Variants in HDAC8 observed in about 807,000 individuals in gnomAD.
HDAC8 encodes histone deacetylase-like 1.
HDAC8 carries 1 observed loss-of-function variant against 32.2 expected under a neutral mutation model. The observed-to-expected ratio is 0.03, with a 90% CI of 0.01 to 0.15. The LOEUF (loss-of-function observed/expected upper bound fraction) is 0.15, where lower values mean the gene tolerates loss of function less well. Among genes scored for constraint, HDAC8 ranks in the 10% least tolerant of loss-of-function variants. The pLI is 1.00. For missense variants in HDAC8, 117 were observed against 300.0 expected, an observed-to-expected ratio of 0.39 and a Z score of 4.51; for synonymous variants, 108 against 113.9, an observed-to-expected ratio of 0.95 and a Z score of 0.33.
intron 10 of HDAC8, among the ~76,000 whole-genome samples, chrX:72,338,107 A>G (rs1555943291): frequency 9.0e-6 from 1 of 111,328 alleles, no homozygotes; most frequent in Admixed American, 9.6e-5. Context: ...TCTTCAATCC[A>G]CTTAGCGCAC....
chrX:72,351,510 T>C (rs1172227226), intron 10 of HDAC8, among the ~76,000 whole-genome samples: 1 of 112,474 alleles, frequency 8.9e-6, no homozygotes, highest in East Asian at 2.8e-4. Context: ...GCTGAACCCT[T>C]TGTCCTTCTG....
chrX:72,406,186 AT>A (rs2046033745), intron 9 of HDAC8, among the ~76,000 whole-genome samples: 1 of 111,257 alleles, frequency 9.0e-6, no homozygotes, highest in African/African-American at 3.3e-5. Flanking sequence ...TTTCTATTTG[AT>A]TTTTCTTGGT....
At chrX:72,534,315 A>ATT (rs1389411819) in intron 4 of HDAC8, among the ~76,000 whole-genome samples, 147 of 94,009 alleles carry the variant, frequency 1.6e-3, no homozygotes, top group African/African-American at 5.7e-3. Flanking sequence ...ATATATATAT[A>ATT]TTTTTTTTTT....
rs1189493594 is a variant in HDAC8, at chrX:72,349,149, A to G, written c.1111+2584T>C. Among the ~76,000 whole-genome samples the G allele has an allele frequency of 5.3e-5, 6 of 112,429 alleles. No individual in the cohort carries two copies. In the Admixed American group the frequency reaches 5.6e-4, roughly 11 times the overall value. On this transcript the variant is annotated intron_variant, in intron 10 of 10. Coordinates refer to ENST00000373573, the MANE Select transcript of HDAC8 (RefSeq NM_018486.3). ...GGGTCCAGCTCTATGCCTTGTGGCCACATAGACCCTGTCTATGCCCTTTGC... is the reference window on the plus strand; with the variant it reads ...GGGTCCAGCTCTATGCCTTGTGGCCGCATAGACCCTGTCTATGCCCTTTGC...
intron 7 of HDAC8, among the ~76,000 whole-genome samples, chrX:72,477,357 C>A (rs2048366547): frequency 8.9e-6 from 1 of 112,314 alleles, no homozygotes; most frequent in Admixed American, 9.4e-5. Flanking sequence ...CTCTGTTTCT[C>A]ATTTCCTAAT....
At chrX:72,568,132 G>A (rs1345495067) in intron 3 of HDAC8, 102 bp from the exon 4 acceptor site, 3 of 635,000 alleles carry the variant, frequency 4.7e-6, no homozygotes, top group Admixed American at 3.1e-5. Flanking sequence ...AAGCCACTGT[G>A]CTAATATCAG....
Position 72,400,590 on chromosome X carries a change from G to T in HDAC8, c.1006-48752C>A, listed in dbSNP as rs895564072. Among the ~76,000 whole-genome samples the T allele has an allele frequency of 2.8e-4, 31 of 111,885 alleles. 1 individual carries two copies. The highest frequency in any genetic ancestry group is 9.1e-4 in the African/African-American group (28 of 30,827). ...CACAGTCTACACTGATATTATCCTAGTTGAAGCCACTACCATCTTTTAAAA... is the reference window on the plus strand; with the variant it reads ...CACAGTCTACACTGATATTATCCTATTTGAAGCCACTACCATCTTTTAAAA... On this transcript the variant is annotated intron_variant, in intron 9 of 10. Coordinates refer to ENST00000373573, the MANE Select transcript of HDAC8 (RefSeq NM_018486.3).
At chrX:72,435,845 A>G (rs2046934597) in intron 9 of HDAC8, among the ~76,000 whole-genome samples, 1 of 111,497 alleles carries the variant, frequency 9.0e-6, no homozygotes. Flanking sequence ...GCACATGCCT[A>G]TAATCCCAGC....
At chrX:72,494,742 G>A (rs782248334) in intron 5 of HDAC8, among the ~76,000 whole-genome samples, 12 of 111,918 alleles carry the variant, frequency 1.1e-4, no homozygotes, top group Non-Finnish European at 9.4e-5. Flanking sequence ...CAACCTATTG[G>A]TGAAAAATTC....
At chrX:72,497,644 T>C (rs1388479733) in intron 4 of HDAC8, among the ~76,000 whole-genome samples, 12 of 111,752 alleles carry the variant, frequency 1.1e-4, no homozygotes, top group African/African-American at 3.9e-4. Flanking sequence ...TGAGCTAACA[T>C]TACTTCTCCT....
chrX:72,447,588 G>A (rs1168687437), intron 9 of HDAC8, among the ~76,000 whole-genome samples: 2 of 111,546 alleles, frequency 1.8e-5, no homozygotes, highest in Non-Finnish European at 3.8e-5. Flanking sequence ...TTCTGGCCAG[G>A]GCAATCAGGC....
At chrX:72,438,327 AC>A (rs782562170) in intron 9 of HDAC8, among the ~76,000 whole-genome samples, 1 of 111,632 alleles carries the variant, frequency 9.0e-6, no homozygotes, top group African/African-American at 3.3e-5. Context: ...CCACACATAA[AC>A]CCCATCCAAA....
Position 72,329,847 on chromosome X carries a change from C to T in HDAC8, c.*207G>A. 1.1e-6 allele frequency: 1 copy of T among 931,981 alleles called. No individual in the cohort carries two copies. The highest frequency in any genetic ancestry group is 1.5e-6 in the Non-Finnish European group (1 of 671,118). The allele number at this position is 931,981 out of a possible 1,213,427, so 76.8% of individuals were successfully genotyped here. A position where few individuals can be genotyped will look rare whatever the true frequency, so the allele number is the denominator to read the frequency against. ...TTTAAATGTGGGATATCTCCTTCTT[C>T]CCCTAGGTCCAGTTGAGGACTCTGG... On this transcript the variant is annotated 3_prime_UTR_variant, in exon 11 of 11. Transcript: ENST00000373573.
intron 4 of HDAC8, among the ~76,000 whole-genome samples, chrX:72,537,097 GAAA>G (rs2050554399): frequency 8.9e-6 from 1 of 112,130 alleles, no homozygotes; most frequent in African/African-American, 3.2e-5. Flanking sequence ...TAGAGTAAAT[GAAA>G]ACTAACTGGT....
chrX:72,371,408 C>T (rs1335019030), intron 9 of HDAC8, among the ~76,000 whole-genome samples: 5 of 111,521 alleles, frequency 4.5e-5, no homozygotes, highest in African/African-American at 9.8e-5. Context: ...CTAGTAGACT[C>T]GGACAGCTAC....
chrX:72,550,032 G>T (rs1233785494), intron 4 of HDAC8, among the ~76,000 whole-genome samples: 12 of 111,616 alleles, frequency 1.1e-4, no homozygotes, highest in African/African-American at 3.9e-4. Context: ...CTTAATCTAG[G>T]ACCCATACAT....
chrX:72,349,253 T>C (rs2044111268), intron 10 of HDAC8, among the ~76,000 whole-genome samples: 1 of 112,020 alleles, frequency 8.9e-6, no homozygotes, highest in African/African-American at 3.2e-5. Context: ...ACCAGACCTT[T>C]TGGAGCCTGG....
chrX:72,504,371 T>C (rs1207552842), intron 4 of HDAC8, among the ~76,000 whole-genome samples: 1 of 111,962 alleles, frequency 8.9e-6, no homozygotes, highest in Non-Finnish European at 1.9e-5. Flanking sequence ...GTAATCTGTG[T>C]TGGGTCTCTA....
At chrX:72,487,118 C>T (rs1463921098) in intron 7 of HDAC8, among the ~76,000 whole-genome samples, 2 of 111,381 alleles carry the variant, frequency 1.8e-5, no homozygotes, top group Non-Finnish European at 3.8e-5. Flanking sequence ...GCCTCCTGTA[C>T]ACAAAAGCCA....
Sources: allele counts gnomAD v4.1 joint callset (sites outside exome capture counted in the v4.1 genomes callset), GRCh38; gene constraint gnomAD v4.1.1; transcripts MANE v1.5; gene names NCBI Gene and HGNC (gene_info 2026-07-23, HGNC 2026-07-21).